The following ARFGAP3 variants were observed in gnomAD, a reference collection of about 807,000 sequenced individuals.
ARFGAP3 encodes the protein ARF GTPase activating protein 3.
A neutral mutation model predicts 75.0 loss-of-function variants in ARFGAP3; 72 were observed. The ratio of observed to expected loss-of-function variants is 0.96; its 90% CI spans 0.79 to 1.17. ARFGAP3 has a LOEUF of 1.17. ARFGAP3 is among the 50% of genes most tolerant of loss of function. The probability of loss-of-function intolerance (pLI) is 0.00; values close to 1 mark genes in which losing one functional copy is unlikely to be tolerated. For synonymous variants in ARFGAP3, 221 were observed against 217.9 expected (o/e 1.01, Z -0.13); for missense variants, 620 against 626.6 (o/e 0.99, Z 0.11).
intron 15 of ARFGAP3, 166 bp from the exon 16 acceptor site, chr22:42,797,771 C>T (rs1924669916): frequency 3.0e-6 from 3 of 984,312 alleles, no homozygotes; most frequent in Non-Finnish European, 2.4e-6. Flanking sequence ...GCCATTGCTG[C>T]AGCTTCAAGG....
chr22:42,807,595 A>G (rs1429654524), intron 13 of ARFGAP3, among the ~76,000 whole-genome samples: 1 of 152,202 alleles, frequency 6.6e-6, no homozygotes, highest in East Asian at 1.9e-4. Context: ...GGGCAATTCT[A>G]CTTTCGAAAT....
At chr22:42,822,512 G>A in intron 8 of ARFGAP3, 103 bp from the exon 9 acceptor site, 1 of 1,391,282 alleles carries the variant, frequency 7.2e-7, no homozygotes, top group Non-Finnish European at 9.8e-7. Context: ...ACTGTGACAA[G>A]CACTCTACAT....
rs765484662 is a variant in ARFGAP3 at position 42,799,059 on chromosome 22, C to T, written c.1513G>A (p.Gly505Arg). ...VAGKLSVFANGVVTSIQDRYG... is the reference protein window; with the variant it reads ...VAGKLSVFANRVVTSIQDRYG... ...CTGACCTGAATTGAAGTCACGACTC[C>T]ATTAGCAAAGACGGAGAGTTTTCCA... Residue 505 changes from glycine to arginine, a missense_variant, in exon 15 of 16, where the codon GGA becomes AGA. Physicochemically the swap from Gly to Arg is moderately radical, Grantham distance 125. Coordinates refer to ENST00000263245, the MANE Select transcript of ARFGAP3 (RefSeq NM_014570.5). 1.2e-6 allele frequency: 2 copies of T among 1,614,196 alleles called. No homozygotes were observed. Among genetic ancestry groups the T allele is most frequent in the South Asian group, 2.2e-5 (2 of 91,086 alleles).
chr22:42,836,948 A>G (rs1286591793), intron 3 of ARFGAP3, among the ~76,000 whole-genome samples: 1 of 152,258 alleles, frequency 6.6e-6, no homozygotes, highest in African/African-American at 2.4e-5. Context: ...CACAGAACTC[A>G]CAGCTCCACT....
At chr22:42,823,868 T>C (rs1243527088) in intron 7 of ARFGAP3, 166 bp from the exon 8 acceptor site, 1 of 580,324 alleles carries the variant, frequency 1.7e-6, no homozygotes, top group African/African-American at 2.0e-5. Flanking sequence ...ATATTTTGGA[T>C]TAACAGAACT....
intron 1 of ARFGAP3, among the ~76,000 whole-genome samples, chr22:42,854,364 CCTGTAATCACAGCA>C (rs1390587389): frequency 6.6e-6 from 1 of 152,200 alleles, no homozygotes; most frequent in Non-Finnish European, 1.5e-5. Context: ...GTGGCTCACG[CCTGTAATCACAGCA>C]CTTTGGGAGG....
At chr22:42,856,418 C>G (rs553952363) in intron 1 of ARFGAP3, among the ~76,000 whole-genome samples, 1 of 152,258 alleles carries the variant, frequency 6.6e-6, no homozygotes, top group East Asian at 1.9e-4. Context: ...GACGTGTCAC[C>G]TTAGCCCCCT....
intron 2 of ARFGAP3, among the ~76,000 whole-genome samples, chr22:42,844,443 G>A (rs1926918074): frequency 6.6e-6 from 1 of 151,946 alleles, no homozygotes; most frequent in African/African-American, 2.4e-5. Flanking sequence ...AAATTAGCTG[G>A]GTGTGGTGGC....
At chr22:42,827,114 C>A in intron 6 of ARFGAP3, 115 bp from the exon 7 acceptor site, 1 of 1,430,820 alleles carries the variant, frequency 7.0e-7, no homozygotes, top group Non-Finnish European at 9.2e-7. Context: ...TGTCAATGAT[C>A]ACCTACCTTT....
At chr22:42,827,612 C>T (rs148396472) in intron 6 of ARFGAP3, among the ~76,000 whole-genome samples, 2,907 of 152,320 alleles carry the variant, frequency 0.019, 36 homozygotes, top group East Asian at 0.026. Context: ...GTGGTCCACC[C>T]GCCTTGGCCT....
At chr22:42,844,547 T>C (rs1246043102) in intron 2 of ARFGAP3, among the ~76,000 whole-genome samples, 1 of 149,460 alleles carries the variant, frequency 6.7e-6, no homozygotes, top group Non-Finnish European at 1.5e-5. Context: ...ATCATGCCAT[T>C]GCACTCCAGC....
At chr22:42,836,986 G>A (rs776944460) in intron 3 of ARFGAP3, among the ~76,000 whole-genome samples, 1 of 152,186 alleles carries the variant, frequency 6.6e-6, no homozygotes, top group Non-Finnish European at 1.5e-5. Context: ...ACTCATCTGA[G>A]CCTTCCCTCC....
At chr22:42,825,348 T>C (rs375507715) in intron 7 of ARFGAP3, among the ~76,000 whole-genome samples, 4 of 152,224 alleles carry the variant, frequency 2.6e-5, no homozygotes, top group African/African-American at 9.6e-5. Flanking sequence ...TTGGCTTATA[T>C]ATAGATTTTA....
Position 42,849,560 on chromosome 22 carries a change from C to CTT in ARFGAP3, c.70-1930_70-1929dup, listed in dbSNP as rs58141557. On this transcript the variant is annotated intron_variant, in intron 1 of 15. Coordinates refer to ENST00000263245, the MANE Select transcript of ARFGAP3 (RefSeq NM_014570.5). The stretch of plus-strand genomic sequence containing the variant: ...ACGGTCCTAGCTCGCTGCTTTATGG[C>CTT]TTTTTTTTTTTTTTTTTTAAAGAGA... Among the ~76,000 whole-genome samples, 189 of 127,990 alleles carry CTT rather than the reference C, an allele frequency of 1.5e-3. 3 individuals carry two copies. Among genetic ancestry groups the CTT allele is most frequent in the African/African-American group, 5.3e-3 (174 of 32,656 alleles). The allele number at this position is 127,990 out of a possible 152,430, so 84.0% of individuals were successfully genotyped here.
chr22:42,829,637 A>G (rs1926198363), intron 6 of ARFGAP3, among the ~76,000 whole-genome samples: 1 of 152,260 alleles, frequency 6.6e-6, no homozygotes, highest in Non-Finnish European at 1.5e-5. Context: ...TTTTGTCTAC[A>G]TATGAATTGC....
chr22:42,855,123 A>G (rs971593703), intron 1 of ARFGAP3, among the ~76,000 whole-genome samples: 5 of 152,212 alleles, frequency 3.3e-5, no homozygotes. Context: ...AGGAGGAAAA[A>G]AGGGACAAAG....
At chr22:42,823,124 C>T (rs1270011524) in intron 8 of ARFGAP3, among the ~76,000 whole-genome samples, 2 of 150,346 alleles carry the variant, frequency 1.3e-5, no homozygotes, top group African/African-American at 2.4e-5. Flanking sequence ...GTTTTTTTTT[C>T]CCCCCCAAAT....
chr22:42,846,993 G>A (rs1400056697), intron 2 of ARFGAP3, among the ~76,000 whole-genome samples: 2 of 152,206 alleles, frequency 1.3e-5, no homozygotes, highest in African/African-American at 4.8e-5. Context: ...GTAGAGTCCA[G>A]AGGCAGCATC....
chr22:42,852,063 T>TG (rs1047737246), intron 1 of ARFGAP3, among the ~76,000 whole-genome samples: 12 of 152,064 alleles, frequency 7.9e-5, no homozygotes, highest in Admixed American at 7.2e-4. Context: ...TGTCTCATCT[T>TG]GAAATTCTTT....
Sources: gnomAD v4.1 joint callset for allele counts (sites outside exome capture counted in the v4.1 genomes callset) on GRCh38, gnomAD v4.1.1 for gene constraint, MANE v1.5 for transcripts, NCBI Gene and HGNC (gene_info 2026-07-23, HGNC 2026-07-21) for gene names.